Variants in RANBP17 observed in about 807,000 individuals in gnomAD.
RANBP17 encodes RAN binding protein 17.
A neutral mutation model predicts 141.2 loss-of-function variants in RANBP17; 158 were observed. The ratio of observed to expected loss-of-function variants is 1.12; its 90% CI spans 0.98 to 1.28. The LOEUF is 1.28. Among genes scored for constraint, RANBP17 ranks in the 50% most tolerant of loss-of-function variants. The probability of loss-of-function intolerance (pLI) is 0.00; values close to 1 mark genes in which losing one functional copy is unlikely to be tolerated. For synonymous variants in RANBP17, 430 were observed against 450.0 expected, an observed-to-expected ratio of 0.96 and a Z score of 0.56; for missense variants, 1,438 against 1,290.7, an observed-to-expected ratio of 1.11 and a Z score of -1.75.
intron 25 of RANBP17, among the ~76,000 whole-genome samples, chr5:171,269,738 A>C (rs75232612): frequency 6.6e-6 from 1 of 152,212 alleles, no homozygotes. Context: ...TGATTTGCCT[A>C]TTGCAGAAGG....
At chr5:171,140,551 C>A (rs147514310) in intron 14 of RANBP17, among the ~76,000 whole-genome samples, 6 of 152,324 alleles carry the variant, frequency 3.9e-5, no homozygotes, top group African/African-American at 7.2e-5. Flanking sequence ...TATAAAACCT[C>A]ACCCCAAGTC....
intron 14 of RANBP17, among the ~76,000 whole-genome samples, chr5:171,063,294 T>C (rs1268065204): frequency 6.6e-6 from 1 of 152,332 alleles, no homozygotes; most frequent in East Asian, 1.9e-4. Context: ...TGTGGTTTTA[T>C]CTACTTTTGG....
chr5:171,196,347 G>A (rs577637887), intron 18 of RANBP17, among the ~76,000 whole-genome samples: 17 of 152,270 alleles, frequency 1.1e-4, no homozygotes, highest in African/African-American at 4.1e-4. Flanking sequence ...TGCTATCCTT[G>A]TTTGCCTTAA....
At chr5:171,063,515 C>G (rs1784066331) in intron 14 of RANBP17, among the ~76,000 whole-genome samples, 1 of 152,188 alleles carries the variant, frequency 6.6e-6, no homozygotes, top group African/African-American at 2.4e-5. Context: ...GATCGTTCCT[C>G]TGGAATTTTT....
chr5:171,030,234 C>A (rs745794308), intron 14 of RANBP17, among the ~76,000 whole-genome samples: 1 of 152,010 alleles, frequency 6.6e-6, no homozygotes, highest in Non-Finnish European at 1.5e-5. Flanking sequence ...TCAAAAACAT[C>A]TATACTAGTT....
intron 3 of RANBP17, among the ~76,000 whole-genome samples, chr5:170,886,089 G>A (rs368907622): frequency 1.3e-5 from 2 of 151,814 alleles, no homozygotes; most frequent in African/African-American, 4.8e-5. Context: ...CTCTCTGTGG[G>A]GGTTCTCTTC....
intron 14 of RANBP17, among the ~76,000 whole-genome samples, chr5:171,067,694 C>A (rs1285938233): frequency 6.6e-6 from 1 of 151,758 alleles, no homozygotes; most frequent in Non-Finnish European, 1.5e-5. Flanking sequence ...TTTCTTCTTT[C>A]AGCAGTTAGA....
chr5:171,257,624 T>C (rs1321627545), intron 24 of RANBP17, among the ~76,000 whole-genome samples: 2 of 152,192 alleles, frequency 1.3e-5, no homozygotes, highest in Non-Finnish European at 2.9e-5. Flanking sequence ...AAATTGTCCT[T>C]CTTTGCTGAT....
chr5:171,193,236 C>T (rs1354672231), intron 18 of RANBP17, among the ~76,000 whole-genome samples: 1 of 152,170 alleles, frequency 6.6e-6, no homozygotes, highest in Non-Finnish European at 1.5e-5. Context: ...ATAAAACATT[C>T]TAATTGCATC....
chr5:170,927,851 G>T (rs1444188500), intron 12 of RANBP17, among the ~76,000 whole-genome samples: 1 of 152,010 alleles, frequency 6.6e-6, no homozygotes, highest in South Asian at 2.1e-4. Flanking sequence ...ACAAGTCTTT[G>T]TATGTAGAAG....
chr5:171,223,994 T>G, intron 22 of RANBP17, among the ~76,000 whole-genome samples: 1 of 152,232 alleles, frequency 6.6e-6, no homozygotes, highest in Non-Finnish European at 1.5e-5. Context: ...CTAGTTGGGA[T>G]TAAGAAGGCT....
chr5:171,052,870 G>T (rs1783044812), intron 14 of RANBP17, among the ~76,000 whole-genome samples: 1 of 151,716 alleles, frequency 6.6e-6, no homozygotes, highest in African/African-American at 2.4e-5. Context: ...TTCTTTTTTT[G>T]AGATGGAGTT....
intron 16 of RANBP17, among the ~76,000 whole-genome samples, chr5:171,180,446 C>G (rs1473017966): frequency 6.6e-6 from 1 of 152,146 alleles, no homozygotes; most frequent in African/African-American, 2.4e-5. Context: ...CCACCATTAC[C>G]AGATTTACTG....
At chr5:171,202,153 A>G (rs1409510696) in intron 19 of RANBP17, among the ~76,000 whole-genome samples, 1 of 152,230 alleles carries the variant, frequency 6.6e-6, no homozygotes, top group Non-Finnish European at 1.5e-5. Context: ...TGTTAAATTT[A>G]TAGCTTTATT....
chr5:171,212,515 T>C (rs1418125689), intron 20 of RANBP17, among the ~76,000 whole-genome samples: 1 of 152,158 alleles, frequency 6.6e-6, no homozygotes, highest in Non-Finnish European at 1.5e-5. Context: ...AGAGCAGAAA[T>C]GCTAAGAGAT....
chr5:171,220,998 G>C (rs1259029996), intron 21 of RANBP17, among the ~76,000 whole-genome samples: 1 of 152,082 alleles, frequency 6.6e-6, no homozygotes, highest in Non-Finnish European at 1.5e-5. Flanking sequence ...TTGGTAAACA[G>C]GTCTTTAGCA....
In RANBP17 at chr5:171,265,854, G is replaced by A. The variant is rs1226607458; in HGVS notation, c.2943+7G>A. The A allele has an allele frequency of 6.2e-7, 1 of 1,610,476 alleles. No individual in the cohort carries two copies. The highest frequency in any genetic ancestry group is 2.2e-5 in the East Asian group (1 of 44,856). On this transcript the variant is annotated splice_region_variant and intron_variant, in intron 25 of 27. Transcript: ENST00000523189. ...CCCAGATGTCCTGCAGCAGGTAACT[G>A]GTGGTTGATCACCTGGCTTAAGAAA...
chr5:170,975,735 C>T (rs1777319071), intron 14 of RANBP17, among the ~76,000 whole-genome samples: 1 of 152,140 alleles, frequency 6.6e-6, no homozygotes, highest in Non-Finnish European at 1.5e-5. Context: ...TAGATTTTAA[C>T]ATACGAATTT....
chr5:171,127,031 TA>T (rs1756521811), intron 14 of RANBP17, among the ~76,000 whole-genome samples: 1 of 151,938 alleles, frequency 6.6e-6, no homozygotes, highest in Non-Finnish European at 1.5e-5. Flanking sequence ...CAAGAAAACA[TA>T]AAAACTATAG....
Sources: gnomAD v4.1 joint callset for allele counts (sites outside exome capture counted in the v4.1 genomes callset) on GRCh38, gnomAD v4.1.1 for gene constraint, MANE v1.5 for transcripts, NCBI Gene and HGNC (gene_info 2026-07-23, HGNC 2026-07-21) for gene names.